Variants in MRPS27 observed in about 807,000 individuals in gnomAD.
MRPS27 encodes small ribosomal subunit protein mS27.
MRPS27 carries 43 observed loss-of-function variants against 48.9 expected under a neutral mutation model. That is an observed-to-expected ratio of 0.88 (90% confidence interval 0.69 to 1.13). The LOEUF is 1.13. Ranked by LOEUF, MRPS27 falls within the 50% of genes most tolerant of loss-of-function variation. The pLI is 0.00. For missense variants in MRPS27, 467 were observed against 476.3 expected, an observed-to-expected ratio of 0.98 and a Z score of 0.18; for synonymous variants, 188 against 171.9, an observed-to-expected ratio of 1.09 and a Z score of -0.73.
intron 8 of MRPS27, chr5:72,227,891 A>G (rs1036169002): frequency 1.5e-5 from 4 of 263,756 alleles, no homozygotes; most frequent in Admixed American, 5.3e-5. Flanking sequence ...TTAATTTCTT[A>G]CCTTCTGGAC....
chr5:72,223,325 A>G (rs1358996568), intron 10 of MRPS27, among the ~76,000 whole-genome samples: 1 of 152,256 alleles, frequency 6.6e-6, no homozygotes, highest in African/African-American at 2.4e-5. Context: ...AAGCACATTT[A>G]GTGCAAGATG....
intron 4 of MRPS27, among the ~76,000 whole-genome samples, chr5:72,249,989 C>CA (rs967312154): frequency 6.6e-6 from 1 of 151,602 alleles, no homozygotes; most frequent in East Asian, 1.9e-4. Flanking sequence ...ATCTCAAAAA[C>CA]AAAAAACAAA....
intron 8 of MRPS27, chr5:72,226,982 G>A (rs1410007121): frequency 6.6e-6 from 1 of 152,230 alleles, no homozygotes; most frequent in Non-Finnish European, 1.5e-5. Flanking sequence ...TCCTGGGAAG[G>A]AGGATTTGGG....
chr5:72,229,329 T>G (rs962682788), intron 7 of MRPS27: 8 of 152,128 alleles, frequency 5.3e-5, no homozygotes, highest in Non-Finnish European at 8.8e-5. Context: ...ACCTCTTTAC[T>G]GTAAGTAGGC....
At chr5:72,319,537 C>CTTTTTTTTT (rs35020848) in intron 1 of MRPS27, among the ~76,000 whole-genome samples, 2 of 84,202 alleles carry the variant, frequency 2.4e-5, no homozygotes, top group African/African-American at 5.1e-5. Flanking sequence ...TAGGTTTTTC[C>CTTTTTTTTT]TTTTTTTTTT....
At chr5:72,254,943 T>C (rs900780317) in intron 4 of MRPS27, among the ~76,000 whole-genome samples, 3 of 151,928 alleles carry the variant, frequency 2.0e-5, no homozygotes, top group Non-Finnish European at 4.4e-5. Flanking sequence ...GAAATCTGAA[T>C]GTCATATTTA....
At chr5:72,315,297 T>C (rs1053202282) in intron 1 of MRPS27, among the ~76,000 whole-genome samples, 18 of 151,826 alleles carry the variant, frequency 1.2e-4, no homozygotes, top group African/African-American at 4.3e-4. Flanking sequence ...TTTAAACAGG[T>C]ATACCTTTAA....
At position 72,234,215 on chromosome 5, in the gene MRPS27, A is replaced by G. The variant is rs768602536; in HGVS notation, c.397-18T>C. ...TATTGAACCTATAATGAAAATGAAC[A>G]TAACAGGAAAAAAAGAGAAAATTAT... On this transcript the variant is annotated intron_variant, in intron 5 of 10. Transcript: ENST00000261413. 5 of 1,458,342 alleles carry G rather than the reference A, an allele frequency of 3.4e-6. No individual in the cohort carries two copies. The highest frequency in any genetic ancestry group is 2.6e-5 in the East Asian group (1 of 37,802). The allele number at this position is 1,458,342 out of a possible 1,614,324, so 90.3% of individuals were successfully genotyped here.
chr5:72,250,948 C>T (rs888093213), intron 4 of MRPS27, among the ~76,000 whole-genome samples: 2 of 151,954 alleles, frequency 1.3e-5, no homozygotes, highest in African/African-American at 4.8e-5. Flanking sequence ...GGATTCTAAC[C>T]GGTAAAAGTT....
At chr5:72,253,432 T>C (rs1445335171) in intron 4 of MRPS27, among the ~76,000 whole-genome samples, 3 of 152,158 alleles carry the variant, frequency 2.0e-5, no homozygotes, top group African/African-American at 7.2e-5. Context: ...AAATAAAACA[T>C]TCAAATATAT....
Position 72,220,600 on chromosome 5 carries a change from T to G in MRPS27, c.*309A>C, listed in dbSNP as rs1480171683. 3.3e-6 allele frequency: 1 copy of G among 306,734 alleles called. No individual in the cohort carries two copies. The highest frequency in any genetic ancestry group is 2.1e-5 in the African/African-American group (1 of 46,606). 19.0% of individuals were successfully genotyped at this position (306,734 alleles called of 1,614,324 possible). On this transcript the variant is annotated 3_prime_UTR_variant, in exon 11 of 11. Transcript: ENST00000261413. ...CCTTGGTTTCTCCCAGTACTGTCAC[T>G]GGGTCTTAGGAACTTTAATGCTCAT...
chr5:72,223,887 T>TA (rs753449750), intron 9 of MRPS27, 37 bp from the exon 10 acceptor site: 1 of 1,604,186 alleles, frequency 6.2e-7, no homozygotes, highest in South Asian at 1.1e-5. Context: ...CCAAATGTTT[T>TA]ATGGCCCAAA....
rs1747685808 is a variant in MRPS27 at position 72,219,597 on chromosome 5, G to A, written c.*1312C>T. 6.6e-6 allele frequency: 1 copy of A among 152,134 alleles called. No individual in the cohort carries two copies. The highest frequency in any genetic ancestry group is 1.5e-5 in the Non-Finnish European group (1 of 68,022). 9.4% of individuals were successfully genotyped at this position (152,134 alleles called of 1,614,324 possible). A position where few individuals can be genotyped will look rare whatever the true frequency, so the allele number is the denominator to read the frequency against. On this transcript the variant is annotated 3_prime_UTR_variant, in exon 11 of 11. Coordinates refer to ENST00000261413, the MANE Select transcript of MRPS27 (RefSeq NM_015084.3). ...CAATCTTGAATAAAATTACACCACT[G>A]TACTTAAGGGCAACACTACATAGTA...
chr5:72,250,422 G>A (rs1363439790), intron 4 of MRPS27, among the ~76,000 whole-genome samples: 2 of 152,100 alleles, frequency 1.3e-5, no homozygotes, highest in African/African-American at 4.8e-5. Flanking sequence ...CCACAGTAAT[G>A]CTGCTTCTCC....
chr5:72,228,076 G>A, intron 8 of MRPS27, 190 bp downstream of exon 8: 1 of 576,324 alleles, frequency 1.7e-6, no homozygotes, highest in Admixed American at 3.3e-5. Context: ...GTGATGGCAG[G>A]TTTTAAGAAC....
intron 4 of MRPS27, among the ~76,000 whole-genome samples, chr5:72,275,783 G>A (rs1580090160): frequency 6.6e-6 from 1 of 152,138 alleles, no homozygotes; most frequent in African/African-American, 2.4e-5. Context: ...CCGGGGTTGG[G>A]CCGTACAATT....
At chr5:72,261,732 A>G (rs1456500956) in intron 4 of MRPS27, among the ~76,000 whole-genome samples, 1 of 152,346 alleles carries the variant, frequency 6.6e-6, no homozygotes, top group East Asian at 1.9e-4. Flanking sequence ...TCCGTACTAT[A>G]AAAGAGAACA....
intron 4 of MRPS27, among the ~76,000 whole-genome samples, chr5:72,272,941 G>A (rs1483530118): frequency 1.3e-5 from 2 of 151,864 alleles, no homozygotes; most frequent in African/African-American, 4.9e-5. Flanking sequence ...ATACTATTTT[G>A]TCTAGTGTTA....
intron 2 of MRPS27, among the ~76,000 whole-genome samples, chr5:72,301,628 A>G (rs1750128782): frequency 6.6e-6 from 1 of 152,248 alleles, no homozygotes; most frequent in African/African-American, 2.4e-5. Context: ...GTGGTAACTC[A>G]AGATTGCATG....
Sources: allele counts gnomAD v4.1 joint callset (sites outside exome capture counted in the v4.1 genomes callset), GRCh38; gene constraint gnomAD v4.1.1; transcripts MANE v1.5; gene names NCBI Gene and HGNC (gene_info 2026-07-23, HGNC 2026-07-21).